Variants in KAT6B observed in about 807,000 individuals in gnomAD.
KAT6B encodes the protein lysine acetyltransferase 6B, also known as histone acetyltransferase KAT6B.
Under a neutral mutation model 187.5 loss-of-function variants are expected in KAT6B, and 10 were observed. The ratio of observed to expected loss-of-function variants is 0.05; its 90% CI spans 0.03 to 0.09. The LOEUF (loss-of-function observed/expected upper bound fraction) is 0.09. Among genes scored for constraint, KAT6B ranks in the 10% least tolerant of loss-of-function variants. The pLI is 1.00. For missense variants in KAT6B, 1,952 were observed against 2,558.9 expected, an observed-to-expected ratio of 0.76 and a Z score of 5.12; for synonymous variants, 861 against 926.8, an observed-to-expected ratio of 0.93 and a Z score of 1.29.
intron 3 of KAT6B, among the ~76,000 whole-genome samples, chr10:74,949,944 A>G (rs1377658975): frequency 6.6e-6 from 1 of 152,242 alleles, no homozygotes; most frequent in Non-Finnish European, 1.5e-5. Flanking sequence ...CAGCAGTCAC[A>G]TTCAAGATCT....
At position 74,959,966 on chromosome 10, in the gene KAT6B, A is replaced by G. The variant is rs1351645436; in HGVS notation, c.622-4A>G. The G allele has an allele frequency of 1.3e-6, 2 of 1,585,168 alleles. No homozygotes were observed. The highest frequency in any genetic ancestry group is 2.2e-5 in the East Asian group (1 of 44,734). On this transcript the variant is annotated splice_region_variant and splice_polypyrimidine_tract_variant and intron_variant, in intron 3 of 17. Transcript: ENST00000287239. ...CAGTATTTTTTATTTTAATTTTGTC[A>G]TAGCCCCGTGCTGATCCCATTCCAA...
intron 1 of KAT6B, among the ~76,000 whole-genome samples, chr10:74,827,450 G>C (rs1378381072): frequency 6.6e-6 from 1 of 152,058 alleles, no homozygotes; most frequent in Non-Finnish European, 1.5e-5. Flanking sequence ...TGATGGGAAA[G>C]AGGTATCTGG....
At chr10:74,942,213 T>A (rs898933508) in intron 3 of KAT6B, among the ~76,000 whole-genome samples, 1 of 152,062 alleles carries the variant, frequency 6.6e-6, no homozygotes, top group African/African-American at 2.4e-5. Flanking sequence ...ACATTCCTCA[T>A]GAACATAAAC....
intron 11 of KAT6B, chr10:74,982,578 C>T (rs1842578953): frequency 6.5e-6 from 1 of 152,996 alleles, no homozygotes; most frequent in Non-Finnish European, 1.5e-5. Flanking sequence ...AATTATGTAT[C>T]TGTTGTCAGT....
intron 3 of KAT6B, among the ~76,000 whole-genome samples, chr10:74,889,419 G>A (rs1845509120): frequency 6.6e-6 from 1 of 152,200 alleles, no homozygotes; most frequent in Non-Finnish European, 1.5e-5. Flanking sequence ...AAGAAGTTAA[G>A]TAGCTGTGAA....
chr10:74,889,676 A>G (rs986077020), intron 3 of KAT6B, among the ~76,000 whole-genome samples: 2 of 152,226 alleles, frequency 1.3e-5, no homozygotes, highest in Admixed American at 6.5e-5. Context: ...AGGAAAATTC[A>G]TTGTTTTGGG....
At chr10:75,009,325 GTGTC>G (rs1482036058) in intron 13 of KAT6B, among the ~76,000 whole-genome samples, 2 of 152,118 alleles carry the variant, frequency 1.3e-5, no homozygotes, top group African/African-American at 2.4e-5. Context: ...GGAAAATAGA[GTGTC>G]TGTATACAAC....
At chr10:74,853,597 T>C (rs1338219975) in intron 3 of KAT6B, among the ~76,000 whole-genome samples, 1 of 151,402 alleles carries the variant, frequency 6.6e-6, no homozygotes, top group Non-Finnish European at 1.5e-5. Flanking sequence ...CTCAGCCTTT[T>C]ATTTTTAATA....
intron 3 of KAT6B, among the ~76,000 whole-genome samples, chr10:74,865,813 A>G (rs1317196492): frequency 1.3e-5 from 2 of 152,160 alleles, no homozygotes; most frequent in African/African-American, 4.8e-5. Context: ...CACTGCACCC[A>G]GCCCCTGTAT....
chr10:74,979,364 T>A (rs1384453457), intron 10 of KAT6B, 25 bp downstream of exon 10: 2 of 1,458,158 alleles, frequency 1.4e-6, no homozygotes, highest in South Asian at 2.3e-5. Context: ...CTGGCAGGTG[T>A]ATAACTTGAA....
intron 3 of KAT6B, among the ~76,000 whole-genome samples, chr10:74,907,464 G>A (rs951174537): frequency 5.3e-5 from 8 of 152,116 alleles, no homozygotes; most frequent in Non-Finnish European, 1.0e-4. Flanking sequence ...ACACTGCTTC[G>A]TGATGGCTTT....
chr10:74,991,210 C>A (rs964805025), intron 13 of KAT6B, among the ~76,000 whole-genome samples: 1 of 152,128 alleles, frequency 6.6e-6, no homozygotes, highest in Non-Finnish European at 1.5e-5. Context: ...TCTGTATCCA[C>A]TAGGACAGTT....
intron 3 of KAT6B, among the ~76,000 whole-genome samples, chr10:74,889,195 T>G (rs554357602): frequency 6.6e-6 from 1 of 152,152 alleles, no homozygotes; most frequent in South Asian, 2.1e-4. Context: ...TGTTGTCAAA[T>G]TTTTTTTACA....
chr10:74,853,160 G>A (rs1335977854), intron 3 of KAT6B, among the ~76,000 whole-genome samples: 1 of 145,868 alleles, frequency 6.9e-6, no homozygotes, highest in Non-Finnish European at 1.5e-5. Context: ...TGTTACCCAG[G>A]CTGGAGTGCA....
In KAT6B at chr10:75,019,194, T is replaced by A. The variant is rs372933718; in HGVS notation, c.2630-1388T>A. On this transcript the variant is annotated intron_variant, in intron 13 of 17. Coordinates refer to ENST00000287239, the MANE Select transcript of KAT6B (RefSeq NM_012330.4). ...AAAATGTTGCGGTGCTTGTTTGCAT[T>A]CAGTCAAATACTTTGCACTTAAACA... Among the ~76,000 whole-genome samples, 10 of 152,342 alleles carry A rather than the reference T, an allele frequency of 6.6e-5. No individual in the cohort carries two copies. The East Asian group carries it at 1.9e-3, about 29-fold the overall frequency.
intron 3 of KAT6B, among the ~76,000 whole-genome samples, chr10:74,860,574 C>G (rs1235775306): frequency 6.6e-6 from 1 of 152,196 alleles, no homozygotes; most frequent in Non-Finnish European, 1.5e-5. Flanking sequence ...GTAGTGTAGT[C>G]ACTTTATCAC....
chr10:74,899,026 T>C (rs1373607617), intron 3 of KAT6B, among the ~76,000 whole-genome samples: 1 of 133,286 alleles, frequency 7.5e-6, no homozygotes, highest in Non-Finnish European at 1.5e-5. Context: ...CCGAGCATGG[T>C]GGCAGGCACC....
At chr10:74,943,377 A>G (rs1849837189) in intron 3 of KAT6B, among the ~76,000 whole-genome samples, 1 of 152,358 alleles carries the variant, frequency 6.6e-6, no homozygotes, top group East Asian at 1.9e-4. Flanking sequence ...TAATGTTACA[A>G]TGTTAGTACT....
chr10:74,922,062 C>T (rs1848178875), intron 3 of KAT6B, among the ~76,000 whole-genome samples: 1 of 152,300 alleles, frequency 6.6e-6, no homozygotes, highest in East Asian at 1.9e-4. Flanking sequence ...AGGTCAGTAA[C>T]CTTTTCATTG....
Sources: gnomAD v4.1 joint callset for allele counts (sites outside exome capture counted in the v4.1 genomes callset) on GRCh38, gnomAD v4.1.1 for gene constraint, MANE v1.5 for transcripts, NCBI Gene and HGNC (gene_info 2026-07-23, HGNC 2026-07-21) for gene names.